The following CTNNA2 variants were observed in gnomAD, a reference collection of about 807,000 sequenced individuals.
CTNNA2 encodes catenin alpha-2.
Under a neutral mutation model 101.0 loss-of-function variants are expected in CTNNA2, and 42 were observed. That is an observed-to-expected ratio of 0.42 (90% CI 0.32 to 0.54). CTNNA2 has a LOEUF of 0.54. Ranked by LOEUF, CTNNA2 falls within the 20% of genes least tolerant of loss-of-function variation. The pLI, the probability that CTNNA2 is intolerant of heterozygous loss-of-function variation, is 0.14. For missense variants in CTNNA2, 871 were observed against 1,223.1 expected, an observed-to-expected ratio of 0.71 and a Z score of 4.29; for synonymous variants, 450 against 456.4, an observed-to-expected ratio of 0.99 and a Z score of 0.18.
chr2:80,009,109 A>G (rs1693585810), intron 7 of CTNNA2, among the ~76,000 whole-genome samples: 1 of 152,236 alleles, frequency 6.6e-6, no homozygotes. Flanking sequence ...TTCAGAGGAC[A>G]GAATGAAAGG....
intron 4 of CTNNA2, among the ~76,000 whole-genome samples, chr2:79,495,082 G>A (rs1184381929): frequency 2.0e-5 from 3 of 151,984 alleles, no homozygotes; most frequent in Admixed American, 6.6e-5. Flanking sequence ...CAGCCTGGGC[G>A]ACAGAGCAAA....
chr2:79,221,663 GC>G (rs1209922666), intron 2 of CTNNA2, among the ~76,000 whole-genome samples: 1 of 151,676 alleles, frequency 6.6e-6, no homozygotes, highest in Non-Finnish European at 1.5e-5. Context: ...AGACTCACTA[GC>G]CCATGAAACA....
intron 1 of CTNNA2, among the ~76,000 whole-genome samples, chr2:79,648,228 G>A (rs963901148): frequency 1.3e-5 from 2 of 151,998 alleles, no homozygotes; most frequent in Non-Finnish European, 2.9e-5. Flanking sequence ...TTGTCAGAGG[G>A]GCCACATACC....
At chr2:80,211,657 T>G in intron 7 of CTNNA2, among the ~76,000 whole-genome samples, 1 of 152,218 alleles carries the variant, frequency 6.6e-6, no homozygotes, top group Non-Finnish European at 1.5e-5. Flanking sequence ...GCATGATGCC[T>G]CTAGCTTTGT....
In CTNNA2 at chr2:79,874,107, T is replaced by C; in HGVS notation, c.617T>C (p.Met206Thr). The change falls in exon 6 of 19, where the codon ATG becomes ACG. Residue 206 changes from methionine (M) to threonine (T), a missense_variant. Transcript: ENST00000402739. ...AAGGATCCTCACTGTCGGGATGAGA[T>C]GGCAGCCGCCCGAGGGGCTCTGAAG... ...ELKDPHCRDE[M>T]AAARGALKKN... 1.2e-6 allele frequency: 2 copies of C among 1,614,194 alleles called. No individual in the cohort carries two copies. The highest frequency in any genetic ancestry group is 1.7e-6 in the Non-Finnish European group (2 of 1,180,032).
chr2:80,534,503 T>G (rs1043091058), intron 9 of CTNNA2, among the ~76,000 whole-genome samples: 1 of 152,116 alleles, frequency 6.6e-6, no homozygotes, highest in Non-Finnish European at 1.5e-5. Context: ...ATTCAAAAAA[T>G]TGGAATTCAG....
chr2:80,619,259 T>G (rs1477459837), intron 18 of CTNNA2, 31 bp downstream of exon 18: 1 of 1,482,304 alleles, frequency 6.7e-7, no homozygotes, highest in East Asian at 2.4e-5. Flanking sequence ...ATCTAATGTC[T>G]TTCATTGTAA....
chr2:80,013,780 T>C (rs2104041055), intron 7 of CTNNA2, among the ~76,000 whole-genome samples: 2 of 152,320 alleles, frequency 1.3e-5, no homozygotes, highest in African/African-American at 4.8e-5. Flanking sequence ...TCTTCCAGCA[T>C]CCTACTTACT....
chr2:80,186,839 A>G (rs553615700), intron 7 of CTNNA2, among the ~76,000 whole-genome samples: 1 of 152,280 alleles, frequency 6.6e-6, no homozygotes, highest in East Asian at 1.9e-4. Flanking sequence ...ATTTCATGAG[A>G]TAGTCTTTCA....
intron 2 of CTNNA2, among the ~76,000 whole-genome samples, chr2:79,308,375 G>GT (rs1159896887): frequency 1.3e-5 from 2 of 152,068 alleles, no homozygotes; most frequent in South Asian, 2.1e-4. Context: ...TGGATTATTT[G>GT]TTTTTTTGCT....
intron 3 of CTNNA2, among the ~76,000 whole-genome samples, chr2:79,769,103 G>A (rs1033419807): frequency 6.6e-6 from 1 of 151,990 alleles, no homozygotes; most frequent in Admixed American, 6.6e-5. Context: ...GATCCGCCCG[G>A]CTCGGCCTCC....
At chr2:79,484,824 G>T (rs756348920) in intron 4 of CTNNA2, among the ~76,000 whole-genome samples, 2 of 152,142 alleles carry the variant, frequency 1.3e-5, no homozygotes, top group Non-Finnish European at 2.9e-5. Context: ...ACTCTTGCTT[G>T]ATAATTCCTT....
intron 2 of CTNNA2, among the ~76,000 whole-genome samples, chr2:79,671,709 G>A (rs2104586560): frequency 6.6e-6 from 1 of 152,344 alleles, no homozygotes; most frequent in East Asian, 1.9e-4. Context: ...GTTAGGTGAA[G>A]AAGGGACACA....
chr2:80,297,973 G>A lies in CTNNA2; in HGVS notation c.1057-95238G>A, dbSNP rs190788976. ...AATGGTCACCTGCCTGCGCGTGTATGGGTGTGTGTGTGTGGTTATATATGT... is the reference window on the plus strand; with the variant it reads ...AATGGTCACCTGCCTGCGCGTGTATAGGTGTGTGTGTGTGGTTATATATGT... On this transcript the variant is annotated intron_variant, in intron 7 of 18. Transcript: ENST00000402739. Among the ~76,000 whole-genome samples, 1,359 of 150,932 alleles carry A rather than the reference G, an allele frequency of 9.0e-3. 9 individuals are homozygous for A. The highest frequency in any genetic ancestry group is 0.016 in the Non-Finnish European group (1,101 of 67,758).
intron 2 of CTNNA2, among the ~76,000 whole-genome samples, chr2:79,295,044 T>C (rs13398632): frequency 0.077 from 11,673 of 151,990 alleles, 685 homozygotes; most frequent in African/African-American, 0.16. Flanking sequence ...TATTTGTGTA[T>C]GCTCATCTTC....
At chr2:79,310,796 A>C (rs562634384) in intron 2 of CTNNA2, among the ~76,000 whole-genome samples, 5 of 152,318 alleles carry the variant, frequency 3.3e-5, no homozygotes, top group African/African-American at 1.2e-4. Context: ...GACTTCCAGA[A>C]AAAAATATTT....
chr2:80,011,289 G>A (rs1458062626), intron 7 of CTNNA2, among the ~76,000 whole-genome samples: 1 of 152,142 alleles, frequency 6.6e-6, no homozygotes, highest in African/African-American at 2.4e-5. Flanking sequence ...AAATTTTGTG[G>A]CTATGTTATT....
intron 5 of CTNNA2, among the ~76,000 whole-genome samples, chr2:79,873,791 A>G (rs537930145): frequency 2.5e-4 from 38 of 151,738 alleles, no homozygotes; most frequent in African/African-American, 8.9e-4. Context: ...AGTTCTAGCC[A>G]CTTAAGAGGT....
At chr2:80,553,309 CTATG>C (rs1258695117) in intron 11 of CTNNA2, among the ~76,000 whole-genome samples, 4 of 151,906 alleles carry the variant, frequency 2.6e-5, no homozygotes, top group Non-Finnish European at 5.9e-5. Flanking sequence ...ATTAACCTGA[CTATG>C]TAACAGATTT....
Sources: allele counts gnomAD v4.1 joint callset (sites outside exome capture counted in the v4.1 genomes callset), GRCh38; gene constraint gnomAD v4.1.1; transcripts MANE v1.5; gene names NCBI Gene and HGNC (gene_info 2026-07-23, HGNC 2026-07-21).